Variants in CEP112 observed in about 807,000 individuals in gnomAD.
CEP112 encodes centrosomal protein 112, also known as centrosomal protein of 112 kDa.
In CEP112, 127 loss-of-function variants were observed where a neutral mutation model predicts 153.0. The ratio of observed to expected loss-of-function variants is 0.83; its 90% CI spans 0.72 to 0.96. The LOEUF is 0.96. Among genes scored for constraint, CEP112 ranks in the 40% least tolerant of loss-of-function variants. The pLI is 0.00. For missense variants in CEP112, 1,089 were observed against 1,101.2 expected, an observed-to-expected ratio of 0.99 and a Z score of 0.16; for synonymous variants, 358 against 374.4, an observed-to-expected ratio of 0.96 and a Z score of 0.51.
intron 17 of CEP112, among the ~76,000 whole-genome samples, chr17:65,964,242 T>C (rs1284631201): frequency 6.6e-6 from 1 of 152,222 alleles, no homozygotes; most frequent in Non-Finnish European, 1.5e-5. Flanking sequence ...TCTAAGGTCC[T>C]AACATTAGTG....
chr17:66,093,070 C>T (rs943395720), intron 8 of CEP112, among the ~76,000 whole-genome samples: 1 of 152,250 alleles, frequency 6.6e-6, no homozygotes, highest in East Asian at 1.9e-4. Flanking sequence ...TGGCTCATGC[C>T]TGTAATCAAT....
intron 20 of CEP112, among the ~76,000 whole-genome samples, chr17:65,866,125 G>A (rs530946507): frequency 3.9e-5 from 6 of 152,156 alleles, no homozygotes; most frequent in South Asian, 2.1e-4. Context: ...CAGCACTCTC[G>A]GGGGCCTGGG....
chr17:66,097,022 A>G (rs936422495), intron 6 of CEP112, among the ~76,000 whole-genome samples: 2 of 152,072 alleles, frequency 1.3e-5, no homozygotes, highest in African/African-American at 4.8e-5. Flanking sequence ...GCACACACCT[A>G]TTTGTTCTTA....
intron 17 of CEP112, among the ~76,000 whole-genome samples, chr17:65,989,971 G>A (rs1584045): frequency 0.59 from 88,995 of 151,928 alleles, 27,432 homozygotes; most frequent in African/African-American, 0.72. Flanking sequence ...ACTTGTTATC[G>A]CTATAAAATG....
intron 4 of CEP112, among the ~76,000 whole-genome samples, chr17:66,158,560 C>T (rs531545703): frequency 7.2e-5 from 11 of 151,886 alleles, no homozygotes; most frequent in African/African-American, 9.7e-5. Context: ...TGCAGTCAGC[C>T]GAGATCGCGC....
chr17:65,834,954 C>T (rs1423659533), intron 21 of CEP112, among the ~76,000 whole-genome samples: 1 of 152,018 alleles, frequency 6.6e-6, no homozygotes, highest in African/African-American at 2.4e-5. Flanking sequence ...TAAATGTTCA[C>T]CAATGACAAA....
At chr17:65,802,853 A>G (rs2055363048) in intron 21 of CEP112, among the ~76,000 whole-genome samples, 1 of 152,190 alleles carries the variant, frequency 6.6e-6, no homozygotes, top group African/African-American at 2.4e-5. Flanking sequence ...CTCTTCCCAC[A>G]CGCTCTTTTC....
At chr17:65,936,182 T>G (rs1042822275) in intron 18 of CEP112, among the ~76,000 whole-genome samples, 14 of 152,166 alleles carry the variant, frequency 9.2e-5, no homozygotes, top group Non-Finnish European at 7.3e-5. Flanking sequence ...CTACCACGAC[T>G]GAGTCATGAA....
In CEP112 at chr17:66,017,370, G is replaced by A. The variant is rs148310569; in HGVS notation, c.1656+10131C>T. Reference sequence around the variant, plus strand: ...TGAAATTATCTGGGTGGGAAAATAAGGGACTCCCCTCTGAGGTAAACATCA... The same window carrying A: ...TGAAATTATCTGGGTGGGAAAATAAAGGACTCCCCTCTGAGGTAAACATCA... On this transcript the variant is annotated intron_variant, in intron 16 of 26. Transcript: ENST00000535342. Among the ~76,000 whole-genome samples, 862 of 152,218 alleles carry A rather than the reference G, an allele frequency of 5.7e-3. 2 individuals carry two copies. Among genetic ancestry groups the A allele is most frequent in the African/African-American group, 0.02 (811 of 41,528 alleles).
At chr17:66,185,875 T>A (rs1265602170) in intron 1 of CEP112, among the ~76,000 whole-genome samples, 1 of 152,216 alleles carries the variant, frequency 6.6e-6, no homozygotes, top group Non-Finnish European at 1.5e-5. Flanking sequence ...TACCACATTA[T>A]CAAATGGTTT....
At chr17:66,107,646 G>C (rs186957887) in intron 6 of CEP112, among the ~76,000 whole-genome samples, 114 of 151,882 alleles carry the variant, frequency 7.5e-4, no homozygotes, top group African/African-American at 2.0e-3. Flanking sequence ...ATTTGAAGAA[G>C]ACACAAAAAA....
intron 17 of CEP112, among the ~76,000 whole-genome samples, chr17:65,993,456 G>A (rs1022804919): frequency 8.5e-5 from 13 of 152,170 alleles, no homozygotes; most frequent in Admixed American, 2.6e-4. Flanking sequence ...GGTATAATAT[G>A]TGTATTCTTA....
chr17:65,902,204 G>C lies in CEP112; in HGVS notation c.2111C>G (p.Ala704Gly), dbSNP rs1358335844. The change falls in exon 20 of 27, where the codon GCC becomes GGC. Residue 704 changes from alanine to glycine, a missense_variant. Ala to Gly is a moderately conservative substitution (Grantham distance 60). Transcript: ENST00000535342. The part of the protein sequence containing the change: ...IENLEKQLRA[A>G]NMEHENQIQE... ...AATTTGATTTTCGTGCTCCATATTG[G>C]CAGCGCGAAGCTGTTTTTCCAGGTT... The C allele has an allele frequency of 6.2e-7, 1 of 1,613,754 alleles. No homozygotes were observed.
intron 6 of CEP112, among the ~76,000 whole-genome samples, chr17:66,117,040 TATTTTTACAAAA>T (rs1345972926): frequency 6.6e-6 from 1 of 152,002 alleles, no homozygotes; most frequent in East Asian, 1.9e-4. Flanking sequence ...CTAATTTTTG[TATTTTTACAAAA>T]ATTTTTACAA....
At chr17:65,733,210 G>A (rs1340062129) in intron 23 of CEP112, among the ~76,000 whole-genome samples, 2 of 152,154 alleles carry the variant, frequency 1.3e-5, no homozygotes, top group Non-Finnish European at 2.9e-5. Context: ...ATGGGGGAAT[G>A]GCCAGGAAGT....
At chr17:66,048,102 T>C (rs2066287213) in intron 12 of CEP112, among the ~76,000 whole-genome samples, 1 of 55,096 alleles carries the variant, frequency 1.8e-5, no homozygotes. Context: ...TCATTTTTGT[T>C]TTTTTTTTTA....
At chr17:66,101,186 A>G (rs1445831326) in intron 6 of CEP112, among the ~76,000 whole-genome samples, 3 of 152,150 alleles carry the variant, frequency 2.0e-5, no homozygotes, top group Non-Finnish European at 4.4e-5. Flanking sequence ...ATTTATTTAT[A>G]TATTTATGAA....
At chr17:66,100,357 G>GAGGTAATAAAA (rs2068517571) in intron 6 of CEP112, among the ~76,000 whole-genome samples, 1 of 147,760 alleles carries the variant, frequency 6.8e-6, no homozygotes, top group Admixed American at 6.8e-5. Context: ...CCAAGATCAC[G>GAGGTAATAAAA]CCACTGCACT....
At chr17:65,731,345 A>G (rs776632656) in intron 23 of CEP112, among the ~76,000 whole-genome samples, 5 of 152,178 alleles carry the variant, frequency 3.3e-5, no homozygotes, top group African/African-American at 4.8e-5. Flanking sequence ...ATAGTCTATT[A>G]CGTGTGCGAT....
Sources: allele counts gnomAD v4.1 joint callset (sites outside exome capture counted in the v4.1 genomes callset), GRCh38; gene constraint gnomAD v4.1.1; transcripts MANE v1.5; gene names NCBI Gene and HGNC (gene_info 2026-07-23, HGNC 2026-07-21).